Variants in VAV2 observed in about 807,000 individuals in gnomAD.
VAV2 encodes guanine nucleotide exchange factor VAV2.
VAV2 carries 67 observed loss-of-function variants against 132.5 expected under a neutral mutation model. The observed-to-expected ratio is 0.51, with a 90% CI of 0.42 to 0.62. VAV2 has a LOEUF of 0.62. Ranked by LOEUF, VAV2 falls within the 20% of genes least tolerant of loss-of-function variation. VAV2 has a pLI of 0.00. For missense variants in VAV2, 938 were observed against 1,153.6 expected (o/e 0.81, Z 2.71); for synonymous variants, 492 against 443.5 (o/e 1.11, Z -1.37).
intron 2 of VAV2, among the ~76,000 whole-genome samples, chr9:133,865,881 G>A: frequency 6.6e-6 from 1 of 152,218 alleles, no homozygotes; most frequent in East Asian, 1.9e-4. Context: ...ATAACTATGA[G>A]GGCTCTCCTG....
chr9:133,798,401 A>G (rs145332992), intron 9 of VAV2, among the ~76,000 whole-genome samples: 6,198 of 152,264 alleles, frequency 0.041, 146 homozygotes, highest in Middle Eastern at 0.088. Context: ...ACGCCCAGGA[A>G]GCCAGCCCTC....
At chr9:133,862,234 A>C (rs982000661) in intron 2 of VAV2, among the ~76,000 whole-genome samples, 1 of 152,262 alleles carries the variant, frequency 6.6e-6, no homozygotes, top group African/African-American at 2.4e-5. Flanking sequence ...GCCACTCCAC[A>C]GATCTCCAAA....
At chr9:133,777,227 C>A (rs1833848754) in intron 23 of VAV2, among the ~76,000 whole-genome samples, 162 bp downstream of exon 23, 1 of 152,146 alleles carries the variant, frequency 6.6e-6, no homozygotes, top group African/African-American at 2.4e-5. Context: ...GCCCCCCACC[C>A]ATCTTCTCTC....
intron 1 of VAV2, among the ~76,000 whole-genome samples, chr9:133,967,660 A>G (rs1009644396): frequency 6.6e-6 from 1 of 152,190 alleles, no homozygotes; most frequent in East Asian, 1.9e-4. Flanking sequence ...GGCCGGGTGC[A>G]GTGGCTCACA....
Position 133,992,020 on chromosome 9 carries a change from G to A in VAV2, c.204+55C>T. 27 of 1,401,120 alleles carry A rather than the reference G, an allele frequency of 1.9e-5. No individual in the cohort carries two copies. The highest frequency in any genetic ancestry group is 2.5e-5 in the Non-Finnish European group (27 of 1,066,262). The allele number at this position is 1,401,120 out of a possible 1,614,324, so 86.8% of individuals were successfully genotyped here. Reference sequence around the variant, plus strand: ...TGCGACCTCCGCGTTCAGTCCGCGCGTCGGGCAGCGCGAACGCCGCCTCCC... The same window carrying A: ...TGCGACCTCCGCGTTCAGTCCGCGCATCGGGCAGCGCGAACGCCGCCTCCC... On this transcript the variant is annotated intron_variant, in intron 1 of 29. Coordinates refer to ENST00000371850, the MANE Select transcript of VAV2 (RefSeq NM_001134398.2). This position sits in a 1 kb window ranked among gnomAD's most constrained non-coding sequence, Gnocchi z 5.5.
intron 13 of VAV2, among the ~76,000 whole-genome samples, chr9:133,791,529 TCCCCTCCCCGTC>T (rs796165137): frequency 1.3e-4 from 15 of 115,110 alleles, no homozygotes; most frequent in Admixed American, 6.2e-4. Flanking sequence ...CCCTGTCCCC[TCCCCTCCCCGTC>T]CCCCTCCCCC....
intron 2 of VAV2, among the ~76,000 whole-genome samples, chr9:133,917,436 TCTTTC>T (rs964527976): frequency 6.2e-5 from 4 of 64,034 alleles, no homozygotes; most frequent in Admixed American, 4.3e-4. Flanking sequence ...AACAGAAAAC[TCTTTC>T]TTTTTTTTTT....
intron 3 of VAV2, among the ~76,000 whole-genome samples, chr9:133,855,340 T>C (rs1368648233): frequency 6.6e-6 from 1 of 151,968 alleles, no homozygotes; most frequent in Non-Finnish European, 1.5e-5. Flanking sequence ...ACATGAGAGG[T>C]ATTTGGTACC....
Position 133,926,087 on chromosome 9 carries a change from G to A in VAV2, c.321+13016C>T, listed in dbSNP as rs1840471402. The A allele has an allele frequency of 6.6e-6, 1 of 151,230 alleles. No individual in the cohort carries two copies. The highest frequency in any genetic ancestry group is 2.4e-5 in the African/African-American group (1 of 41,088). The allele number at this position is 151,230 out of a possible 1,614,324, so 9.4% of individuals were successfully genotyped here. On this transcript the variant is annotated intron_variant, in intron 2 of 29. Transcript: ENST00000371850. The surrounding 1 kb of genome is among the most constrained non-coding windows in gnomAD (Gnocchi z 4.3). ...AATGCAAGCTCTCAGCCAACGGGGT[G>A]GGGACTCACAGGAAAGAGAAGTGAC... is the stretch of plus-strand genomic sequence containing the variant.
intron 1 of VAV2, among the ~76,000 whole-genome samples, chr9:133,987,376 G>T (rs1377037322): frequency 6.6e-6 from 1 of 152,242 alleles, no homozygotes; most frequent in Non-Finnish European, 1.5e-5. Context: ...ACCCAAGGAG[G>T]CTGCCAAGGG....
intron 2 of VAV2, among the ~76,000 whole-genome samples, chr9:133,898,235 C>A (rs937650282): frequency 6.6e-6 from 1 of 152,062 alleles, no homozygotes; most frequent in African/African-American, 2.4e-5. Flanking sequence ...GACAGGGTGG[C>A]CAGAGGGGCT....
At chr9:133,864,427 G>A (rs945596838) in intron 2 of VAV2, among the ~76,000 whole-genome samples, 6 of 152,236 alleles carry the variant, frequency 3.9e-5, no homozygotes, top group Admixed American at 1.3e-4. Context: ...ACGAGGTGGG[G>A]ACTGGAGAGC....
intron 7 of VAV2, among the ~76,000 whole-genome samples, chr9:133,807,958 C>T (rs923571090): frequency 1.3e-5 from 2 of 152,238 alleles, no homozygotes; most frequent in African/African-American, 4.8e-5. Context: ...CAGCCAGCCG[C>T]TCTGCAGGCA....
chr9:133,790,466 G>A (rs946617673), intron 13 of VAV2, among the ~76,000 whole-genome samples: 4 of 152,088 alleles, frequency 2.6e-5, no homozygotes, highest in African/African-American at 4.8e-5. Context: ...CATGACCACC[G>A]CGCCCAGCCT....
chr9:133,928,737 G>T lies in VAV2; in HGVS notation c.321+10366C>A, dbSNP rs898781963. 4.6e-5 allele frequency among the ~76,000 whole-genome samples: 7 copies of T among 152,224 alleles called. No homozygotes were observed. The highest frequency in any genetic ancestry group is 1.7e-4 in the African/African-American group (7 of 41,452). Reference sequence around the variant, plus strand: ...TCCCCTGGCCAGACAGAGCCTGCGGGACACATTCATCAACGCAGATGTAAA... The same window carrying T: ...TCCCCTGGCCAGACAGAGCCTGCGGTACACATTCATCAACGCAGATGTAAA... On this transcript the variant is annotated intron_variant, in intron 2 of 29. Coordinates refer to ENST00000371850, the MANE Select transcript of VAV2 (RefSeq NM_001134398.2). This position sits in a 1 kb window ranked among gnomAD's most constrained non-coding sequence, Gnocchi z 5.4.
At chr9:133,959,936 G>A (rs1430562488) in intron 1 of VAV2, among the ~76,000 whole-genome samples, 1 of 152,220 alleles carries the variant, frequency 6.6e-6, no homozygotes, top group Non-Finnish European at 1.5e-5. Context: ...CTGGCCTCCG[G>A]AACTGGAGGA....
Position 133,904,713 on chromosome 9 carries a change from C to T in VAV2, c.321+34390G>A, listed in dbSNP as rs374222417. 5.1e-3 allele frequency among the ~76,000 whole-genome samples: 779 copies of T among 152,362 alleles called. 1 individual carries two copies. The highest frequency in any genetic ancestry group is 8.7e-3 in the Non-Finnish European group (590 of 68,030). On this transcript the variant is annotated intron_variant, in intron 2 of 29. Transcript: ENST00000371850. ...TGTGCAGCCAGGGCTCCGTCCTCCCCGCAAGCTTCTCAATGCACCACTACT... is the reference window on the plus strand; with the variant it reads ...TGTGCAGCCAGGGCTCCGTCCTCCCTGCAAGCTTCTCAATGCACCACTACT...
rs767088444 is a variant in VAV2, at chr9:133,796,396, G to A, written c.1032+33C>T. On this transcript the variant is annotated intron_variant, in intron 11 of 29. Transcript: ENST00000371850. ...GCCCTCATCTGACTCCAGCAGTGAT[G>A]ACCCCGCAGGCACCCGGGGCCCAGA... The A allele has an allele frequency of 1.2e-5, 19 of 1,593,138 alleles. No homozygotes were observed. In the African/African-American group the frequency reaches 2.1e-4, roughly 18 times the overall value.
rs1216700706 is a variant in VAV2, at chr9:133,991,952, C to G, written c.204+123G>C. The G allele has an allele frequency of 1.2e-6, 1 of 827,386 alleles. No homozygotes were observed. The highest frequency in any genetic ancestry group is 1.5e-6 in the Non-Finnish European group (1 of 656,244). The allele number at this position is 827,386 out of a possible 1,614,324, so 51.3% of individuals were successfully genotyped here. On this transcript the variant is annotated intron_variant, in intron 1 of 29. Transcript: ENST00000371850. The surrounding 1 kb of genome is among the most constrained non-coding windows in gnomAD (Gnocchi z 4.8). ...ACCCTCCAGCCGCCCGCCCGCGTCC[C>G]GGAGCCCGGCCGCCCCAGCCAGGGC...
Sources: gnomAD v4.1 joint callset for allele counts (sites outside exome capture counted in the v4.1 genomes callset) on GRCh38, gnomAD v4.1.1 for gene constraint, Gnocchi (gnomAD v3.1) non-coding constraint, MANE v1.5 for transcripts, NCBI Gene and HGNC (gene_info 2026-07-23, HGNC 2026-07-21) for gene names.